The following GNG7 variants were observed in gnomAD, a reference collection of about 807,000 sequenced individuals.
The protein encoded by GNG7 is G protein subunit gamma 7, also known as guanine nucleotide-binding protein G(I)/G(S)/G(O) subunit gamma-7.
GNG7 carries 1 observed loss-of-function variant against 4.0 expected under a neutral mutation model. The ratio of observed to expected loss-of-function variants is 0.25; its 90% confidence interval spans 0.09 to 1.18. The LOEUF is 1.18. Among genes scored for constraint, GNG7 ranks in the 50% most tolerant of loss-of-function variants. The probability of loss-of-function intolerance (pLI) is 0.50; values close to 1 mark genes in which losing one functional copy is unlikely to be tolerated. For missense variants in GNG7, 86 were observed against 91.9 expected (o/e 0.94, Z 0.26); for synonymous variants, 34 against 36.9 (o/e 0.92, Z 0.29).
intron 1 of GNG7, among the ~76,000 whole-genome samples, chr19:2,661,003 G>A (rs1280424685): frequency 2.0e-5 from 3 of 151,406 alleles, no homozygotes; most frequent in Non-Finnish European, 4.4e-5. Flanking sequence ...CCTGAGGTTG[G>A]GAGTTCGAGG....
intron 1 of GNG7, among the ~76,000 whole-genome samples, chr19:2,655,787 C>A (rs546864705): frequency 1.8e-4 from 26 of 142,066 alleles, no homozygotes; most frequent in African/African-American, 6.4e-4. Context: ...TGCAGTGAGT[C>A]GAGATCGCGC....
intron 3 of GNG7, among the ~76,000 whole-genome samples, chr19:2,548,985 C>A (rs1190359616): frequency 6.6e-6 from 1 of 152,136 alleles, no homozygotes; most frequent in Non-Finnish European, 1.5e-5. Flanking sequence ...CAGGCTGAGG[C>A]CACCAAAGGG....
intron 1 of GNG7, among the ~76,000 whole-genome samples, chr19:2,663,079 T>G (rs1040123871): frequency 1.6e-4 from 25 of 152,288 alleles, no homozygotes; most frequent in African/African-American, 6.0e-4. Flanking sequence ...TGCTTGCTGT[T>G]TAAGCTAAGT....
chr19:2,685,037 T>A (rs1042408661), intron 1 of GNG7, among the ~76,000 whole-genome samples: 1 of 151,574 alleles, frequency 6.6e-6, no homozygotes, highest in African/African-American at 2.4e-5. Flanking sequence ...CGCAGGAGAA[T>A]CGCTTGAACC....
At chr19:2,579,318 CTG>C (rs1335475942) in intron 2 of GNG7, among the ~76,000 whole-genome samples, 1 of 152,260 alleles carries the variant, frequency 6.6e-6, no homozygotes, top group Admixed American at 6.5e-5. Context: ...GTCCGGGTCT[CTG>C]TGTCCTGCAG....
At chr19:2,657,361 A>AAAAAAATATATAT (rs1555701153) in intron 1 of GNG7, among the ~76,000 whole-genome samples, 2 of 16,332 alleles carry the variant, frequency 1.2e-4, no homozygotes, top group Non-Finnish European at 1.0e-4. Context: ...AAAAAAAAAA[A>AAAAAAATATATAT]ATATATATAT....
chr19:2,534,609 G>C (rs537568150), intron 3 of GNG7, among the ~76,000 whole-genome samples: 1 of 152,360 alleles, frequency 6.6e-6, no homozygotes, highest in South Asian at 2.1e-4. Flanking sequence ...GAGGGAGATG[G>C]CTGTCCCTGG....
chr19:2,650,170 G>A (rs1339250904), intron 1 of GNG7, among the ~76,000 whole-genome samples: 1 of 148,208 alleles, frequency 6.7e-6, no homozygotes, highest in Non-Finnish European at 1.5e-5. Context: ...GTGAATATTC[G>A]TGTCATAGGA....
At chr19:2,570,982 T>C (rs559634485) in intron 2 of GNG7, among the ~76,000 whole-genome samples, 7 of 151,386 alleles carry the variant, frequency 4.6e-5, no homozygotes, top group Admixed American at 4.6e-4. Flanking sequence ...ATTTTTTTTT[T>C]TTAGAGATGG....
At chr19:2,610,742 A>G (rs771582116) in intron 2 of GNG7, 1 of 151,844 alleles carries the variant, frequency 6.6e-6, no homozygotes, top group Non-Finnish European at 1.5e-5. Flanking sequence ...CAGCCTCCCA[A>G]AGTGCTGGGA....
At chr19:2,585,505 G>C (rs1358691844) in intron 2 of GNG7, among the ~76,000 whole-genome samples, 1 of 143,654 alleles carries the variant, frequency 7.0e-6, no homozygotes, top group Non-Finnish European at 1.5e-5. Flanking sequence ...AGTATACGAA[G>C]TGCCTGCGGC....
chr19:2,551,673 A>AT (rs1207915486), intron 3 of GNG7, among the ~76,000 whole-genome samples: 2 of 83,782 alleles, frequency 2.4e-5, no homozygotes, highest in Admixed American at 1.4e-4. Context: ...TATATTTAAA[A>AT]AATATATATA....
rs1599424312 is a variant in GNG7 at position 2,617,536 on chromosome 19, C to T, written c.-78+28688G>A. On this transcript the variant is annotated intron_variant, in intron 2 of 4. Coordinates refer to ENST00000382159, the MANE Select transcript of GNG7 (RefSeq NM_052847.3). The surrounding 1 kb of genome is among the most constrained non-coding windows in gnomAD (Gnocchi z 4.7). Reference sequence around the variant, plus strand: ...CTCAAAGACCTGGCCTGGGTCCCCTCCCGTGGCTCCCAGACCTCCGCTTCC... The same window carrying T: ...CTCAAAGACCTGGCCTGGGTCCCCTTCCGTGGCTCCCAGACCTCCGCTTCC... Among the ~76,000 whole-genome samples the T allele has an allele frequency of 6.6e-6, 1 of 152,260 alleles. No homozygotes were observed. Among genetic ancestry groups the T allele is most frequent in the South Asian group, 2.1e-4 (1 of 4,828 alleles).
At chr19:2,567,331 T>TTGTGTGTGTGTGTGTGTGTGTG (rs3221748) in intron 2 of GNG7, among the ~76,000 whole-genome samples, 14,541 of 136,992 alleles carry the variant, frequency 0.11, 990 homozygotes, top group African/African-American at 0.16. Context: ...TGTCGTCGAT[T>TTGTGTGTGTGTGTGTGTGTGTG]TGTGTGTGTG....
chr19:2,547,682 C>T (rs11879339), intron 3 of GNG7, among the ~76,000 whole-genome samples: 19,805 of 152,210 alleles, frequency 0.13, 1,415 homozygotes, highest in East Asian at 0.29. Context: ...ACATCCCAGA[C>T]ACTGGGTACC....
chr19:2,657,579 G>A (rs1983030126), intron 1 of GNG7, among the ~76,000 whole-genome samples: 1 of 150,810 alleles, frequency 6.6e-6, no homozygotes, highest in Non-Finnish European at 1.5e-5. Flanking sequence ...GCCAGGCACA[G>A]GGGCTTGTGC....
intron 2 of GNG7, among the ~76,000 whole-genome samples, chr19:2,629,001 T>C (rs1264797639): frequency 2.6e-5 from 4 of 152,060 alleles, no homozygotes; most frequent in Admixed American, 2.6e-4. Flanking sequence ...TTGGGCGCCA[T>C]CTTGGAATTC....
At chr19:2,685,123 T>TA (rs553248760) in intron 1 of GNG7, among the ~76,000 whole-genome samples, 60 of 131,432 alleles carry the variant, frequency 4.6e-4, no homozygotes, top group Non-Finnish European at 6.6e-4. Flanking sequence ...AGACTCTGTC[T>TA]AAAAAAAAAA....
intron 3 of GNG7, among the ~76,000 whole-genome samples, chr19:2,545,016 CCTCT>C (rs1298171764): frequency 6.6e-6 from 1 of 152,214 alleles, no homozygotes; most frequent in Non-Finnish European, 1.5e-5. Context: ...GGATTCACCT[CCTCT>C]CTCCCTCCCA....
Sources: allele counts gnomAD v4.1 joint callset (sites outside exome capture counted in the v4.1 genomes callset), GRCh38; gene constraint gnomAD v4.1.1; non-coding constraint Gnocchi (gnomAD v3.1); transcripts MANE v1.5; gene names NCBI Gene and HGNC (gene_info 2026-07-23, HGNC 2026-07-21).